The following ZNF207 variants were observed in gnomAD, a reference collection of about 807,000 sequenced individuals.
ZNF207 encodes the protein zinc finger protein 207.
Under a neutral mutation model 60.2 loss-of-function variants are expected in ZNF207, and 24 were observed. That is an observed-to-expected ratio of 0.40 (90% CI 0.29 to 0.56). The LOEUF (loss-of-function observed/expected upper bound fraction) is 0.56, where lower values mean the gene tolerates loss of function less well. Ranked by LOEUF, ZNF207 falls within the 20% of genes least tolerant of loss-of-function variation. The pLI is 0.49. For missense variants in ZNF207, 452 were observed against 636.6 expected, an observed-to-expected ratio of 0.71 and a Z score of 3.12; for synonymous variants, 236 against 194.7, an observed-to-expected ratio of 1.21 and a Z score of -1.77.
rs930868716 is a variant in ZNF207 at position 32,378,503 on chromosome 17, G to C, written c.*8744G>C. The C allele has an allele frequency of 6.6e-6, 1 of 151,778 alleles. No individual in the cohort carries two copies. The highest frequency in any genetic ancestry group is 1.5e-5 in the Non-Finnish European group (1 of 67,836). 9.4% of individuals were successfully genotyped at this position (151,778 alleles called of 1,614,324 possible). On this transcript the variant is annotated 3_prime_UTR_variant, in exon 12 of 12. Transcript: ENST00000394670. The stretch of plus-strand genomic sequence containing the variant: ...TAAATACAAGTACTCCTCTATTTTT[G>C]TTCTTTTTTTGTAAACTATAACGTA...
chr17:32,350,755 A>G (rs1330448894), intron 1 of ZNF207, among the ~76,000 whole-genome samples: 1 of 145,676 alleles, frequency 6.9e-6, no homozygotes. Context: ...TTCTGTTTTT[A>G]TTTACTTTAT....
Position 32,358,623 on chromosome 17 carries a change from C to A in ZNF207, c.289C>A (p.Leu97Ile). The A allele has an allele frequency of 7.9e-6, 12 of 1,512,038 alleles. No homozygotes were observed. Among genetic ancestry groups the A allele is most frequent in the Non-Finnish European group, 1.1e-5 (12 of 1,139,516 alleles). 93.7% of individuals were successfully genotyped at this position (1,512,038 alleles called of 1,614,324 possible). Reference sequence around the variant, plus strand: ...AGACATGGATGAAAGACGACGACTTCTTGAACAGAAAACACAAGGTAAATA... The same window carrying A: ...AGACATGGATGAAAGACGACGACTTATTGAACAGAAAACACAAGGTAAATA... ...EKDMDERRRLLEQKTQESQKK... is the reference protein window; with the variant it reads ...EKDMDERRRLIEQKTQESQKK... The change falls in exon 3 of 12, where the codon CTT (leucine) becomes ATT (isoleucine). Residue 97 changes from leucine (L) to isoleucine (I), a missense_variant. Physicochemically the swap from Leu to Ile is conservative, Grantham distance 5. Around this residue, in one of 2 missense-constraint regions of ZNF207, gnomAD observed 62 missense variants for 175.3 expected, o/e 0.35. Transcript: ENST00000394670.
intron 9 of ZNF207, among the ~76,000 whole-genome samples, chr17:32,367,340 TTA>T (rs1326567836): frequency 8.9e-5 from 13 of 145,310 alleles, no homozygotes; most frequent in Admixed American, 5.6e-4. Flanking sequence ...ACTGTTCATG[TTA>T]TAGTTAGTAA....
chr17:32,373,317 T>TA lies in ZNF207; in HGVS notation c.*3558_*3559insA. On this transcript the variant is annotated 3_prime_UTR_variant, in exon 12 of 12. Coordinates refer to ENST00000394670, the MANE Select transcript of ZNF207 (RefSeq NM_001098507.2). ...TTTGCTTGCTTGATCATTGGGATTT[T>TA]TAAAAAAAAAAATTTTAATGCATGT... 6.4e-6 allele frequency: 4 copies of TA among 628,246 alleles called. No homozygotes were observed. The highest frequency in any genetic ancestry group is 3.6e-5 in the South Asian group (2 of 55,180). The allele number at this position is 628,246 out of a possible 1,614,324, so 38.9% of individuals were successfully genotyped here.
chr17:32,376,407 G>T lies in ZNF207; in HGVS notation c.*6648G>T. 6.6e-6 allele frequency: 1 copy of T among 151,682 alleles called. No individual in the cohort carries two copies. Among genetic ancestry groups the T allele is most frequent in the East Asian group, 1.9e-4 (1 of 5,186 alleles). The allele number at this position is 151,682 out of a possible 1,614,324, so 9.4% of individuals were successfully genotyped here. A position where few individuals can be genotyped will look rare whatever the true frequency, so the allele number is the denominator to read the frequency against. On this transcript the variant is annotated 3_prime_UTR_variant, in exon 12 of 12. Transcript: ENST00000394670. ...CTTGCTCTTGGCTCTATACATTTTT[G>T]CATAATATTTTAGTCTTGAAAAGCT...
At chr17:32,366,352 G>A (rs1412141517) in intron 8 of ZNF207, among the ~76,000 whole-genome samples, 1 of 152,078 alleles carries the variant, frequency 6.6e-6, no homozygotes, top group Non-Finnish European at 1.5e-5. Flanking sequence ...ATACAGAATT[G>A]GATTGAAGTG....
At position 32,378,995 on chromosome 17, in the gene ZNF207, GATT is replaced by G. The variant is rs966678071; in HGVS notation, c.*9239_*9241del. 8 of 152,206 alleles carry G rather than the reference GATT, an allele frequency of 5.3e-5. No individual in the cohort carries two copies. The highest frequency in any genetic ancestry group is 1.4e-4 in the African/African-American group (6 of 41,576). The allele number at this position is 152,206 out of a possible 1,614,324, so 9.4% of individuals were successfully genotyped here. ...ATGGTGATTAGCCATTGTGAAAACA[GATT>G]ATATGGAAATTGTGCATATTGCTAA... On this transcript the variant is annotated 3_prime_UTR_variant, in exon 12 of 12. Coordinates refer to ENST00000394670, the MANE Select transcript of ZNF207 (RefSeq NM_001098507.2).
rs1258634471 is a variant in ZNF207, at chr17:32,370,097, C to G, written c.*338C>G. On this transcript the variant is annotated 3_prime_UTR_variant, in exon 12 of 12. Coordinates refer to ENST00000394670, the MANE Select transcript of ZNF207 (RefSeq NM_001098507.2). The stretch of plus-strand genomic sequence containing the variant: ...CCCTAGTAAAGGCAAGTTCTGTAAG[C>G]TTACATTGCTATTTGTAAAGTTTGC... 1 of 177,306 alleles carries G rather than the reference C, an allele frequency of 5.6e-6. No homozygotes were observed. Among genetic ancestry groups the G allele is most frequent in the Admixed American group, 6.3e-5 (1 of 15,976 alleles). The allele number at this position is 177,306 out of a possible 1,614,324, so 11.0% of individuals were successfully genotyped here.
chr17:32,380,732 G>A lies in ZNF207; in HGVS notation c.*10973G>A, dbSNP rs1905848856. The A allele has an allele frequency of 6.6e-6, 1 of 152,210 alleles. No homozygotes were observed. The highest frequency in any genetic ancestry group is 2.1e-4 in the South Asian group (1 of 4,830). The allele number at this position is 152,210 out of a possible 1,614,324, so 9.4% of individuals were successfully genotyped here. A position where few individuals can be genotyped will look rare whatever the true frequency, so the allele number is the denominator to read the frequency against. ...GGGGCTGGGCCCAGCTGAGGCGGGT[G>A]GATCTCCTGAGGTCAGGAGTTTGAG... On this transcript the variant is annotated 3_prime_UTR_variant, in exon 12 of 12. Coordinates refer to ENST00000394670, the MANE Select transcript of ZNF207 (RefSeq NM_001098507.2).
chr17:32,369,381 A>G lies in ZNF207; in HGVS notation c.1251A>G (p.Pro417=). Residue 417 remains proline (P), a synonymous_variant, in exon 11 of 12, where the codon CCA becomes CCG. Coordinates refer to ENST00000394670, the MANE Select transcript of ZNF207 (RefSeq NM_001098507.2). ...CCATCGGTAATCCACCAGTTGGACC[A>G]ATTGGAGGTATGATGCCACCACAGC... ...QAPIGNPPVG[P]IGGMMPPQPG... 5 of 1,614,138 alleles carry G rather than the reference A, an allele frequency of 3.1e-6. No individual in the cohort carries two copies. The highest frequency in any genetic ancestry group is 4.2e-6 in the Non-Finnish European group (5 of 1,180,026).
intron 3 of ZNF207, among the ~76,000 whole-genome samples, chr17:32,360,122 AGG>A (rs1904769577): frequency 1.4e-5 from 2 of 144,124 alleles, no homozygotes; most frequent in African/African-American, 5.1e-5. Context: ...TCAGTGCTTT[AGG>A]TAGCTGAGGC....
chr17:32,350,433 G>A, intron 1 of ZNF207, 107 bp downstream of exon 1: 3 of 1,457,946 alleles, frequency 2.1e-6, no homozygotes, highest in African/African-American at 2.8e-5. Context: ...TTGTATTTAG[G>A]CGTCTGCGTG....
At chr17:32,360,359 A>G (rs1003927474) in intron 3 of ZNF207, among the ~76,000 whole-genome samples, 1 of 152,152 alleles carries the variant, frequency 6.6e-6, no homozygotes, top group Non-Finnish European at 1.5e-5. Context: ...AAAATTTAAA[A>G]GAAAAAATAC....
chr17:32,351,550 T>C, intron 1 of ZNF207: 1 of 1,530,178 alleles, frequency 6.5e-7, no homozygotes, highest in Non-Finnish European at 8.7e-7. Flanking sequence ...AGTATATTGC[T>C]GATTATTGAG....
intron 3 of ZNF207, 83 bp from the exon 4 acceptor site, chr17:32,360,515 A>T: frequency 7.7e-7 from 1 of 1,293,500 alleles, no homozygotes; most frequent in African/African-American, 1.5e-5. Context: ...AATTTTACCC[A>T]TATATGTATT....
At chr17:32,354,289 AATTC>A (rs1291963110) in intron 2 of ZNF207, among the ~76,000 whole-genome samples, 1 of 151,390 alleles carries the variant, frequency 6.6e-6, no homozygotes, top group Non-Finnish European at 1.5e-5. Flanking sequence ...CATTTTCTTT[AATTC>A]TGAATGAAAT....
chr17:32,359,673 C>G (rs1301025791), intron 3 of ZNF207, among the ~76,000 whole-genome samples: 1 of 151,932 alleles, frequency 6.6e-6, no homozygotes, highest in African/African-American at 2.4e-5. Context: ...GCAGGCAGTG[C>G]AGGAAAATTG....
intron 2 of ZNF207, among the ~76,000 whole-genome samples, chr17:32,358,110 A>G (rs1368634922): frequency 1.3e-5 from 2 of 152,214 alleles, no homozygotes; most frequent in East Asian, 1.9e-4. Flanking sequence ...AGGCTGTTTC[A>G]TAATCTTTAC....
At position 32,367,833 on chromosome 17, in the gene ZNF207, C is replaced by T. The variant is rs1424046548; in HGVS notation, c.983C>T (p.Ala328Val). 1.2e-6 allele frequency: 2 copies of T among 1,614,020 alleles called. No homozygotes were observed. Among genetic ancestry groups the T allele is most frequent in the Non-Finnish European group, 8.5e-7 (1 of 1,180,024 alleles). Reference sequence around the variant, plus strand: ...TTCAAACCCTTAAATAGTACCCCTGCAACAACTACAGAACCCCCAAAGCCT... The same window carrying T: ...TTCAAACCCTTAAATAGTACCCCTGTAACAACTACAGAACCCCCAAAGCCT... ...TDFKPLNSTP[A>V]TTTEPPKPTF... is the part of the protein sequence containing the mutation. The change falls in exon 10 of 12, where the codon GCA (alanine) becomes GTA (valine). Residue 328 changes from alanine to valine, a missense_variant. By Grantham distance (64) the Ala-to-Val change is moderately conservative (BLOSUM62 0). Transcript: ENST00000394670.
Sources: allele counts gnomAD v4.1 joint callset (sites outside exome capture counted in the v4.1 genomes callset), GRCh38; gene constraint gnomAD v4.1.1; regional missense constraint gnomAD v4.1.1; transcripts MANE v1.5; gene names NCBI Gene and HGNC (gene_info 2026-07-23, HGNC 2026-07-21).